The following SPECC1L variants were observed in gnomAD, a reference collection of about 807,000 sequenced individuals.
The protein encoded by SPECC1L is cytospin-A.
SPECC1L carries 40 observed loss-of-function variants against 116.8 expected under a neutral mutation model. That is an observed-to-expected ratio of 0.34 (90% CI 0.27 to 0.45). The LOEUF (loss-of-function observed/expected upper bound fraction) is 0.45. SPECC1L is among the 20% of genes least tolerant of loss of function. SPECC1L has a pLI of 1.00. For synonymous variants in SPECC1L, 504 were observed against 500.6 expected (o/e 1.01, Z -0.09); for missense variants, 1,110 against 1,373.6 (o/e 0.81, Z 3.03).
At chr22:24,362,906 A>G (rs2041673290) in intron 11 of SPECC1L, among the ~76,000 whole-genome samples, 1 of 152,238 alleles carries the variant, frequency 6.6e-6, no homozygotes, top group Non-Finnish European at 1.5e-5. Flanking sequence ...CTGTAGGCAC[A>G]TGAAAGCAAA....
chr22:24,410,542 G>A (rs1189912407), intron 14 of SPECC1L, among the ~76,000 whole-genome samples: 1 of 152,246 alleles, frequency 6.6e-6, no homozygotes, highest in African/African-American at 2.4e-5. Flanking sequence ...AAAGACCAAT[G>A]CACAGAGGAT....
intron 14 of SPECC1L, among the ~76,000 whole-genome samples, chr22:24,372,365 T>C (rs2041888654): frequency 6.6e-6 from 1 of 152,210 alleles, no homozygotes; most frequent in Non-Finnish European, 1.5e-5. Context: ...CTGATGAACA[T>C]TGATGCAAAA....
chr22:24,389,387 A>G (rs527596200), intron 14 of SPECC1L, among the ~76,000 whole-genome samples: 1 of 152,196 alleles, frequency 6.6e-6, no homozygotes, highest in Non-Finnish European at 1.5e-5. Context: ...AGTGCTGATT[A>G]CAGATGTGAG....
chr22:24,378,743 A>G (rs1226743055), intron 14 of SPECC1L, among the ~76,000 whole-genome samples: 1 of 152,234 alleles, frequency 6.6e-6, no homozygotes. Flanking sequence ...AGAACTTTAT[A>G]GATTAAGTTC....
At chr22:24,274,590 TAAGAG>T (rs2048794305) in intron 1 of SPECC1L, among the ~76,000 whole-genome samples, 1 of 152,236 alleles carries the variant, frequency 6.6e-6, no homozygotes, top group Non-Finnish European at 1.5e-5. Context: ...AATCTGTAAA[TAAGAG>T]AAGAGAGTGA....
intron 11 of SPECC1L, among the ~76,000 whole-genome samples, chr22:24,357,003 T>C (rs1424098738): frequency 6.6e-6 from 1 of 151,584 alleles, no homozygotes; most frequent in Admixed American, 6.6e-5. Flanking sequence ...AAAATGCCTC[T>C]AATTTTTGGT....
intron 2 of SPECC1L, among the ~76,000 whole-genome samples, chr22:24,297,816 G>T (rs1271170588): frequency 6.6e-6 from 1 of 152,252 alleles, no homozygotes; most frequent in Admixed American, 6.5e-5. Flanking sequence ...CATGCTGTGT[G>T]TGCTGCCTGC....
rs1398296395 is a variant in SPECC1L, at chr22:24,298,758, A to G, written c.-37-3437A>G. On this transcript the variant is annotated intron_variant, in intron 2 of 16. Coordinates refer to ENST00000314328, the MANE Select transcript of SPECC1L (RefSeq NM_015330.6). ...TAGCCTTTTTGTTTTATTCAGGTCT[A>G]CAGTTGATGAGATGAGGCCCACCCA... Among the ~76,000 whole-genome samples the G allele has an allele frequency of 7.9e-5, 12 of 152,254 alleles. No homozygotes were observed. The East Asian group carries it at 9.6e-4, about 12-fold the overall frequency.
intron 14 of SPECC1L, among the ~76,000 whole-genome samples, chr22:24,383,237 C>T (rs1167916360): frequency 6.6e-6 from 1 of 152,184 alleles, no homozygotes; most frequent in Non-Finnish European, 1.5e-5. Flanking sequence ...CCAGAAGAAA[C>T]TTAGCCTCTA....
At chr22:24,365,287 C>T (rs2041736334) in intron 12 of SPECC1L, among the ~76,000 whole-genome samples, 189 bp from the exon 13 acceptor site, 2 of 151,924 alleles carry the variant, frequency 1.3e-5, no homozygotes, top group Non-Finnish European at 1.5e-5. Context: ...GGATTATAGG[C>T]GTGAGCCACT....
intron 14 of SPECC1L, among the ~76,000 whole-genome samples, chr22:24,405,826 G>A (rs113415251): frequency 5.7e-5 from 8 of 140,954 alleles, no homozygotes; most frequent in East Asian, 2.1e-4. Flanking sequence ...GCAACAGAGC[G>A]AGACTCTGCC....
intron 6 of SPECC1L, 79 bp downstream of exon 6, chr22:24,324,506 T>C: frequency 7.5e-7 from 1 of 1,333,522 alleles, no homozygotes. Context: ...AGTAATAAAA[T>C]AGGGCTGGGC....
chr22:24,355,281 C>CAAA (rs751981921), intron 11 of SPECC1L, among the ~76,000 whole-genome samples: 96 of 55,822 alleles, frequency 1.7e-3, no homozygotes, highest in Admixed American at 5.5e-3. Context: ...GACTCCATCT[C>CAAA]AAAAAAAAAA....
At chr22:24,335,279 T>C (rs377640186) in intron 9 of SPECC1L, among the ~76,000 whole-genome samples, 1 of 152,318 alleles carries the variant, frequency 6.6e-6, no homozygotes, top group African/African-American at 2.4e-5. Flanking sequence ...AAAAGATCTT[T>C]TCTTGTTTAA....
chr22:24,285,514 A>G (rs572508251), intron 2 of SPECC1L, among the ~76,000 whole-genome samples: 1 of 152,332 alleles, frequency 6.6e-6, no homozygotes, highest in African/African-American at 2.4e-5. Flanking sequence ...TCCACTTGGT[A>G]TGTAAATTCA....
chr22:24,376,720 A>T (rs1369349203), intron 14 of SPECC1L, among the ~76,000 whole-genome samples: 2 of 152,178 alleles, frequency 1.3e-5, no homozygotes, highest in Admixed American at 6.5e-5. Flanking sequence ...GAAAAGTCTC[A>T]AGTTTTGTTG....
At chr22:24,309,018 T>C (rs1290923773) in intron 3 of SPECC1L, among the ~76,000 whole-genome samples, 1 of 152,206 alleles carries the variant, frequency 6.6e-6, no homozygotes, top group African/African-American at 2.4e-5. Context: ...GTAAGTTTTG[T>C]ACCTTTTCGG....
intron 2 of SPECC1L, among the ~76,000 whole-genome samples, chr22:24,290,649 C>T (rs1432475374): frequency 2.0e-5 from 3 of 152,164 alleles, no homozygotes; most frequent in African/African-American, 7.2e-5. Context: ...GTTTCATGCA[C>T]CTTGAATATA....
intron 2 of SPECC1L, among the ~76,000 whole-genome samples, chr22:24,280,130 G>A (rs1476346677): frequency 6.6e-6 from 1 of 152,182 alleles, no homozygotes; most frequent in East Asian, 1.9e-4. Flanking sequence ...CTTCCTAGGT[G>A]CTAGCCTGCC....
Sources: gnomAD v4.1 joint callset for allele counts (sites outside exome capture counted in the v4.1 genomes callset) on GRCh38, gnomAD v4.1.1 for gene constraint, MANE v1.5 for transcripts, NCBI Gene and HGNC (gene_info 2026-07-23, HGNC 2026-07-21) for gene names.